ERCC8: variants seen among roughly 807,000 people sequenced by gnomAD.
ERCC8 encodes the protein ERCC excision repair 8, CSA ubiquitin ligase complex subunit, also known as DNA excision repair protein ERCC-8.
In ERCC8, 52 loss-of-function variants were observed where a neutral mutation model predicts 54.9. The observed-to-expected ratio is 0.95, with a 90% confidence interval of 0.76 to 1.19. The LOEUF is 1.19. Among genes scored for constraint, ERCC8 ranks in the 50% most tolerant of loss-of-function variants. The pLI, the probability that ERCC8 is intolerant of heterozygous loss-of-function variation, is 0.00. For missense variants in ERCC8, 514 were observed against 466.1 expected (o/e 1.10, Z -0.95); for synonymous variants, 146 against 157.2 (o/e 0.93, Z 0.53).
At chr5:60,916,011 A>G (rs1749422493) in intron 4 of ERCC8, among the ~76,000 whole-genome samples, 1 of 151,862 alleles carries the variant, frequency 6.6e-6, no homozygotes, top group Non-Finnish European at 1.5e-5. Flanking sequence ...GCCCCCTTCT[A>G]CTTAGCAAGT....
At chr5:60,944,885 T>A (rs1249032011) in intron 1 of ERCC8, 47 bp downstream of exon 1, 2 of 1,333,806 alleles carry the variant, frequency 1.5e-6, no homozygotes, top group Non-Finnish European at 2.2e-6. Context: ...CAGTCATTGG[T>A]CCAGATTCTA....
chr5:60,937,197 C>T (rs1313251341), intron 1 of ERCC8, among the ~76,000 whole-genome samples: 1 of 152,100 alleles, frequency 6.6e-6, no homozygotes, highest in East Asian at 1.9e-4. Context: ...GTGAAGTGGC[C>T]TCTATGAGGG....
chr5:60,943,648 G>T (rs1028857183), intron 1 of ERCC8, among the ~76,000 whole-genome samples: 1 of 152,136 alleles, frequency 6.6e-6, no homozygotes, highest in African/African-American at 2.4e-5. Flanking sequence ...GTGCACTAAA[G>T]AAGAGTGATA....
chr5:60,897,048 A>G (rs1748743474), intron 9 of ERCC8, among the ~76,000 whole-genome samples: 1 of 152,078 alleles, frequency 6.6e-6, no homozygotes, highest in Non-Finnish European at 1.5e-5. Flanking sequence ...TATTCCCTTC[A>G]TATTCCAACG....
chr5:60,872,213 A>T lies in ERCC8; in HGVS notation c.*2402T>A, dbSNP rs184977825. 3.3e-5 allele frequency among the ~76,000 whole-genome samples: 5 copies of T among 152,340 alleles called. No individual in the cohort carries two copies. The East Asian group carries it at 9.6e-4, about 29-fold the overall frequency. Reference sequence around the variant, plus strand: ...TGATTTGAAACTATCAGAAGAAAACATGGAGAAAATGCTCCATGACATTGG... The same window carrying T: ...TGATTTGAAACTATCAGAAGAAAACTTGGAGAAAATGCTCCATGACATTGG... On this transcript the variant is annotated 3_prime_UTR_variant, in exon 12 of 12. Transcript: ENST00000676185.
intron 4 of ERCC8, among the ~76,000 whole-genome samples, chr5:60,907,024 A>G (rs1320237612): frequency 2.6e-5 from 4 of 152,214 alleles, no homozygotes. Flanking sequence ...GACTTAGCCA[A>G]TCCCTTGCTC....
chr5:60,906,494 C>T (rs188063271), intron 4 of ERCC8, among the ~76,000 whole-genome samples: 3 of 151,770 alleles, frequency 2.0e-5, no homozygotes, highest in Non-Finnish European at 2.9e-5. Flanking sequence ...TTTGGGAGGC[C>T]GAGGCAGGCG....
At chr5:60,878,423 T>C (rs886665810) in intron 11 of ERCC8, among the ~76,000 whole-genome samples, 9 of 152,234 alleles carry the variant, frequency 5.9e-5, no homozygotes, top group Non-Finnish European at 1.0e-4. Flanking sequence ...TTTCTATTGA[T>C]TGGAATAGTT....
chr5:60,872,620 A>G lies in ERCC8; in HGVS notation c.*1995T>C, dbSNP rs774364678. Reference sequence around the variant, plus strand: ...ACACCTGTTAGAATGGCTACTATCAATAACACAAAAGATAACAAGTGTTGG... The same window carrying G: ...ACACCTGTTAGAATGGCTACTATCAGTAACACAAAAGATAACAAGTGTTGG... On this transcript the variant is annotated 3_prime_UTR_variant, in exon 12 of 12. Transcript: ENST00000676185. Among the ~76,000 whole-genome samples, 3 of 152,242 alleles carry G rather than the reference A, an allele frequency of 2.0e-5. No homozygotes were observed. Among genetic ancestry groups the G allele is most frequent in the Non-Finnish European group, 2.9e-5 (2 of 68,036 alleles).
Position 60,928,967 on chromosome 5 carries a change from A to T in ERCC8, c.78-8T>A, listed in dbSNP as rs1312377057. The stretch of plus-strand genomic sequence containing the variant: ...AATTCCAGTCCCAAAACTCTTAAAA[A>T]TAAAAGGGGGAGAAAGAAATTAACA... On this transcript the variant is annotated splice_polypyrimidine_tract_variant and splice_region_variant and intron_variant, in intron 1 of 11. Coordinates refer to ENST00000676185, the MANE Select transcript of ERCC8 (RefSeq NM_000082.4). 4.7e-6 allele frequency: 7 copies of T among 1,490,448 alleles called. No homozygotes were observed. Among genetic ancestry groups the T allele is most frequent in the African/African-American group, 1.4e-5 (1 of 72,528 alleles). 92.3% of individuals were successfully genotyped at this position (1,490,448 alleles called of 1,614,324 possible). A position where few individuals can be genotyped will look rare whatever the true frequency, so the allele number is the denominator to read the frequency against.
intron 4 of ERCC8, among the ~76,000 whole-genome samples, chr5:60,911,668 A>G (rs1347305008): frequency 2.6e-5 from 4 of 151,900 alleles, no homozygotes; most frequent in East Asian, 3.9e-4. Context: ...CCTTGCCCAT[A>G]CCTATGTCCT....
chr5:60,918,920 A>C (rs4647086), intron 3 of ERCC8, among the ~76,000 whole-genome samples: 9,685 of 152,070 alleles, frequency 0.064, 1,012 homozygotes, highest in African/African-American at 0.22. Flanking sequence ...CATCCATAAA[A>C]ACATAACATG....
At chr5:60,875,797 C>T (rs1182494626) in intron 11 of ERCC8, among the ~76,000 whole-genome samples, 4 of 152,108 alleles carry the variant, frequency 2.6e-5, no homozygotes, top group Non-Finnish European at 5.9e-5. Flanking sequence ...CCCGGGTTCA[C>T]GCCATTGTCC....
chr5:60,920,772 C>G (rs146752966), intron 3 of ERCC8, among the ~76,000 whole-genome samples: 1 of 151,986 alleles, frequency 6.6e-6, no homozygotes, highest in African/African-American at 2.4e-5. Flanking sequence ...TTACTTATGT[C>G]ACAAACCAAA....
At chr5:60,901,936 A>AT (rs1178579806) in intron 7 of ERCC8, among the ~76,000 whole-genome samples, 2 of 151,924 alleles carry the variant, frequency 1.3e-5, no homozygotes, top group African/African-American at 4.8e-5. Context: ...CTATTAAAGC[A>AT]TTTTTCTGGA....
At chr5:60,906,871 G>A (rs1409904568) in intron 4 of ERCC8, among the ~76,000 whole-genome samples, 2 of 152,354 alleles carry the variant, frequency 1.3e-5, no homozygotes, top group East Asian at 1.9e-4. Flanking sequence ...AAAGGCAAGA[G>A]GGGGTGGTGG....
intron 11 of ERCC8, among the ~76,000 whole-genome samples, chr5:60,886,810 AATCT>A (rs755884189): frequency 1.6e-4 from 25 of 152,072 alleles, no homozygotes; most frequent in Non-Finnish European, 2.9e-4. Flanking sequence ...CACTTTTAGG[AATCT>A]ATCTAAAGAC....
intron 4 of ERCC8, among the ~76,000 whole-genome samples, chr5:60,913,578 G>C (rs1010004919): frequency 6.6e-6 from 1 of 151,786 alleles, no homozygotes; most frequent in African/African-American, 2.4e-5. Context: ...AGGGTTTTTG[G>C]TGACTCTACT....
chr5:60,915,667 T>C (rs1749412033), intron 4 of ERCC8, among the ~76,000 whole-genome samples: 1 of 152,036 alleles, frequency 6.6e-6, no homozygotes, highest in Non-Finnish European at 1.5e-5. Context: ...TCTTGGCTTG[T>C]GATCCCCTTA....
Sources: allele counts gnomAD v4.1 joint callset (sites outside exome capture counted in the v4.1 genomes callset), GRCh38; gene constraint gnomAD v4.1.1; transcripts MANE v1.5; gene names NCBI Gene and HGNC (gene_info 2026-07-23, HGNC 2026-07-21).